NGRN: variants seen among roughly 807,000 people sequenced by gnomAD.
NGRN encodes neugrin, neurite outgrowth associated.
A neutral mutation model predicts 13.1 loss-of-function variants in NGRN; 12 were observed. The observed-to-expected ratio is 0.92, with a 90% CI of 0.59 to 1.49. NGRN has a LOEUF of 1.49. NGRN is among the 40% of genes most tolerant of loss of function. The probability of loss-of-function intolerance (pLI) is 0.00; values close to 1 mark genes in which losing one functional copy is unlikely to be tolerated. For synonymous variants in NGRN, 149 were observed against 145.8 expected (o/e 1.02, Z -0.16); for missense variants, 397 against 357.0 (o/e 1.11, Z -0.90).
intron 2 of NGRN, 39 bp from the exon 3 acceptor site, chr15:90,271,149 C>T: frequency 6.3e-7 from 1 of 1,585,766 alleles, no homozygotes; most frequent in African/African-American, 1.4e-5. Flanking sequence ...TGATAGGAGA[C>T]TTCTTCACAA....
Position 90,271,871 on chromosome 15 carries a change from T to C in NGRN, c.*83T>C. ...ATATGGAACAGCCTGGATTTCTGCA[T>C]ATGGATAAGCCACCTTGGAATAGGA... is the stretch of plus-strand genomic sequence containing the variant. On this transcript the variant is annotated 3_prime_UTR_variant, in exon 3 of 3. Transcript: ENST00000379095. The C allele has an allele frequency of 1.9e-5, 29 of 1,539,124 alleles. No homozygotes were observed. Among genetic ancestry groups the C allele is most frequent in the Non-Finnish European group, 2.5e-5 (29 of 1,138,310 alleles).
intron 2 of NGRN, among the ~76,000 whole-genome samples, chr15:90,266,788 C>T (rs1226285953): frequency 6.6e-6 from 1 of 152,160 alleles, no homozygotes; most frequent in African/African-American, 2.4e-5. Flanking sequence ...AAATCGCAGA[C>T]ATCACAACAT....
chr15:90,271,325 A>C lies in NGRN; in HGVS notation c.413A>C (p.Gln138Pro). ...PTLEQKLKQD[Q>P]KVLKKAGLAH... ...TTGGAGCAGAAGCTGAAGCAGGATC[A>C]AAAAGTCCTTAAGAAAGCTGGGCTT... The change falls in exon 3 of 3, where the codon CAA (glutamine) becomes CCA (proline). Residue 138 changes from glutamine (Q) to proline (P), a missense_variant. Transcript: ENST00000379095. 6.2e-7 allele frequency: 1 copy of C among 1,614,124 alleles called. No homozygotes were observed.
chr15:90,269,490 A>G (rs1207068564), intron 2 of NGRN, among the ~76,000 whole-genome samples: 2 of 151,598 alleles, frequency 1.3e-5, no homozygotes, highest in African/African-American at 4.9e-5. Flanking sequence ...CTTTGTTTCT[A>G]GGGCTGCTTT....
intron 2 of NGRN, among the ~76,000 whole-genome samples, chr15:90,267,147 T>G (rs1432524032): frequency 6.6e-6 from 1 of 152,002 alleles, no homozygotes; most frequent in Admixed American, 6.6e-5. Flanking sequence ...TCCTCCCACT[T>G]CGTCCTCCCA....
At chr15:90,271,015 C>T (rs75803970) in intron 2 of NGRN, among the ~76,000 whole-genome samples, 173 bp from the exon 3 acceptor site, 2 of 152,152 alleles carry the variant, frequency 1.3e-5, no homozygotes, top group African/African-American at 2.4e-5. Context: ...TCACTGGTCT[C>T]GAACTCCTGG....
chr15:90,269,607 C>T (rs764945247), intron 2 of NGRN, among the ~76,000 whole-genome samples: 1 of 152,098 alleles, frequency 6.6e-6, no homozygotes, highest in Non-Finnish European at 1.5e-5. Context: ...ATTTCCCTGC[C>T]TGATGCTAGC....
chr15:90,271,088 G>T, intron 2 of NGRN, 100 bp from the exon 3 acceptor site: 1 of 1,376,624 alleles, frequency 7.3e-7, no homozygotes, highest in Non-Finnish European at 9.9e-7. Flanking sequence ...GAGCCACCAT[G>T]CCAGGCCTCA....
In NGRN at chr15:90,266,332, G is replaced by C. The variant is rs757357096; in HGVS notation, c.209G>C (p.Arg70Pro). 3.7e-6 allele frequency: 6 copies of C among 1,613,908 alleles called. No individual in the cohort carries two copies. The African/African-American group carries it at 6.7e-5, about 18-fold the overall frequency. ...QKQAIRFQKI[R>P]RQMEAPGAPP... ...CAAGCAATCCGATTCCAGAAAATTC[G>C]GAGGCAAATGGAGGCGCCTGGTGCC... Residue 70 changes from arginine to proline, a missense_variant, in exon 2 of 3, where the codon CGG (arginine) becomes CCG (proline). Physicochemically the swap from Arg to Pro is moderately radical, Grantham distance 103. Coordinates refer to ENST00000379095, the MANE Select transcript of NGRN (RefSeq NM_001033088.3).
rs569421322 is a variant in NGRN, at chr15:90,266,481, G to A, written c.275+83G>A. 3.5e-4 allele frequency: 355 copies of A among 1,010,184 alleles called. 2 individuals carry two copies. The highest frequency in any genetic ancestry group is 4.3e-4 in the Non-Finnish European group (295 of 684,516). The allele number at this position is 1,010,184 out of a possible 1,614,324, so 62.6% of individuals were successfully genotyped here. A position where few individuals can be genotyped will look rare whatever the true frequency, so the allele number is the denominator to read the frequency against. On this transcript the variant is annotated intron_variant, in intron 2 of 2. Coordinates refer to ENST00000379095, the MANE Select transcript of NGRN (RefSeq NM_001033088.3). ...GCCCAGAAACGGGTTTGGCTTTTTT[G>A]ATACTGCTTTTATATTTTCGTTTAC...
intron 2 of NGRN, among the ~76,000 whole-genome samples, chr15:90,269,443 T>G (rs970621639): frequency 2.0e-5 from 3 of 152,120 alleles, no homozygotes; most frequent in Non-Finnish European, 4.4e-5. Context: ...CTCTTCTCCC[T>G]TGACTCCAGG....
chr15:90,269,162 ATTTTTTT>A (rs34266380), intron 2 of NGRN, among the ~76,000 whole-genome samples: 41 of 89,616 alleles, frequency 4.6e-4, no homozygotes, highest in Non-Finnish European at 6.2e-4. Flanking sequence ...TACCTGGCTA[ATTTTTTT>A]TTTTTTTTTT....
intron 2 of NGRN, among the ~76,000 whole-genome samples, chr15:90,267,815 A>G (rs1000280670): frequency 6.6e-6 from 1 of 152,222 alleles, no homozygotes; most frequent in Non-Finnish European, 1.5e-5. Context: ...TCAAAAGACA[A>G]ATGCATTTGC....
Position 90,271,791 on chromosome 15 carries a change from C to T in NGRN, c.*3C>T, listed in dbSNP as rs773595679. The T allele has an allele frequency of 2.5e-5, 40 of 1,612,794 alleles. No homozygotes were observed. Among genetic ancestry groups the T allele is most frequent in the South Asian group, 4.4e-5 (4 of 91,042 alleles). The stretch of plus-strand genomic sequence containing the variant: ...GGAACTTCCTGTACAGAATTTGAGT[C>T]GGGGCTTGGCTTATGGAGATGCCTC... On this transcript the variant is annotated 3_prime_UTR_variant, in exon 3 of 3. Transcript: ENST00000379095.
At chr15:90,271,132 G>C (rs1235689882) in intron 2 of NGRN, 56 bp from the exon 3 acceptor site, 2 of 1,563,930 alleles carry the variant, frequency 1.3e-6, no homozygotes, top group Middle Eastern at 1.7e-4. Flanking sequence ...TTGCGAGTTA[G>C]ATGTTCTGAT....
chr15:90,271,641 C>G lies in NGRN; in HGVS notation c.729C>G (p.Ser243Arg). 6.2e-7 allele frequency: 1 copy of G among 1,614,146 alleles called. No homozygotes were observed. Among genetic ancestry groups the G allele is most frequent in the Non-Finnish European group, 8.5e-7 (1 of 1,180,032 alleles). ...AGAAGTACTCCAGTGATTCTGAGAG[C>G]CCCAGAGGAACTGGCAGTGGTGCGT... The part of the protein sequence containing the change: ...ELQKYSSDSE[S>R]PRGTGSGALP... The change falls in exon 3 of 3, where the codon AGC becomes AGG. Residue 243 changes from serine to arginine, a missense_variant. By Grantham distance (110) the Ser-to-Arg change is moderately radical. Coordinates refer to ENST00000379095, the MANE Select transcript of NGRN (RefSeq NM_001033088.3).
intron 2 of NGRN, among the ~76,000 whole-genome samples, chr15:90,268,138 G>C (rs1963455486): frequency 1.3e-5 from 2 of 152,100 alleles, no homozygotes; most frequent in African/African-American, 4.8e-5. Flanking sequence ...AAGTAGCTGG[G>C]ATTACAGGCG....
chr15:90,267,059 TCTCA>T (rs1963435672), intron 2 of NGRN, among the ~76,000 whole-genome samples: 1 of 142,418 alleles, frequency 7.0e-6, no homozygotes, highest in Non-Finnish European at 1.5e-5. Flanking sequence ...TAGTTGGGGG[TCTCA>T]CTCTGTCGCC....
At chr15:90,269,348 C>CT (rs1421034779) in intron 2 of NGRN, among the ~76,000 whole-genome samples, 5 of 151,270 alleles carry the variant, frequency 3.3e-5, no homozygotes, top group Admixed American at 6.6e-5. Flanking sequence ...TTTAATTTTA[C>CT]TTTAAGTTCT....
Sources: gnomAD v4.1 joint callset for allele counts (sites outside exome capture counted in the v4.1 genomes callset) on GRCh38, gnomAD v4.1.1 for gene constraint, MANE v1.5 for transcripts, NCBI Gene and HGNC (gene_info 2026-07-23, HGNC 2026-07-21) for gene names.